The following ATF1 variants were observed in gnomAD, a reference collection of about 807,000 sequenced individuals.
The protein encoded by ATF1 is cyclic AMP-dependent transcription factor ATF-1.
ATF1 carries 16 observed loss-of-function variants against 34.7 expected under a neutral mutation model. The ratio of observed to expected loss-of-function variants is 0.46; its 90% confidence interval spans 0.31 to 0.70. The LOEUF is 0.70. Among genes scored for constraint, ATF1 ranks in the 30% least tolerant of loss-of-function variants. ATF1 has a pLI of 0.05. For synonymous variants in ATF1, 105 were observed against 113.1 expected (o/e 0.93, Z 0.46); for missense variants, 255 against 321.6 (o/e 0.79, Z 1.58).
At chr12:50,810,417 CA>C (rs1332377559) in intron 4 of ATF1, among the ~76,000 whole-genome samples, 1 of 151,336 alleles carries the variant, frequency 6.6e-6, no homozygotes, top group Non-Finnish European at 1.5e-5. Context: ...GGGGTTTCAC[CA>C]TGTTGGCCAG....
chr12:50,780,183 C>T lies in ATF1; in HGVS notation c.38C>T (p.Ala13Val). The T allele has an allele frequency of 6.2e-7, 1 of 1,613,888 alleles. No homozygotes were observed. The highest frequency in any genetic ancestry group is 8.5e-7 in the Non-Finnish European group (1 of 1,179,876). ...DSHKSTTSET[A>V]PQPGSAVQGA... Reference sequence around the variant, plus strand: ...CACAAGAGTACCACGTCAGAGACAGCACCTCAACCTGGTTCAGCAGTTCAG... The same window carrying T: ...CACAAGAGTACCACGTCAGAGACAGTACCTCAACCTGGTTCAGCAGTTCAG... The change falls in exon 2 of 7, where the codon GCA (alanine) becomes GTA (valine). Residue 13 changes from alanine (A) to valine (V), a missense_variant. Coordinates refer to ENST00000262053, the MANE Select transcript of ATF1 (RefSeq NM_005171.5).
rs1480613126 is a variant in ATF1 at position 50,819,777 on chromosome 12, T to G, written c.814T>G (p.Ter272GlyextTer19). The change falls in exon 7 of 7, where the codon TGA (stop) becomes GGA (glycine). Residue 272 changes from the stop codon to glycine (G), a stop_lost. Transcript: ENST00000262053. ...GGATCTTTATTCCAATAAAAGTGTT[T>G]GATTCCTAAGAAAGAAAATATTTTT... The part of the protein sequence containing the change: ...LKDLYSNKSV[*>G] 3 of 1,526,424 alleles carry G rather than the reference T, an allele frequency of 2.0e-6. No homozygotes were observed. Among genetic ancestry groups the G allele is most frequent in the Non-Finnish European group, 2.7e-6 (3 of 1,123,874 alleles). The allele number at this position is 1,526,424 out of a possible 1,614,324, so 94.6% of individuals were successfully genotyped here.
chr12:50,783,866 GAA>G (rs34062008), intron 2 of ATF1, among the ~76,000 whole-genome samples: 12,491 of 129,534 alleles, frequency 0.096, 766 homozygotes, highest in African/African-American at 0.19. Flanking sequence ...AACTCCGTCT[GAA>G]AAAAAAAAAA....
chr12:50,781,397 G>A (rs1941057381), intron 2 of ATF1, among the ~76,000 whole-genome samples: 2 of 152,104 alleles, frequency 1.3e-5, no homozygotes, highest in African/African-American at 2.4e-5. Context: ...GAAACTCATG[G>A]ATGCAGAACC....
At chr12:50,815,784 G>T (rs1213657692) in intron 6 of ATF1, among the ~76,000 whole-genome samples, 1 of 152,088 alleles carries the variant, frequency 6.6e-6, no homozygotes, top group Non-Finnish European at 1.5e-5. Flanking sequence ...CAAAGGAAAA[G>T]AAATCAATAT....
At chr12:50,804,231 G>GA (rs971419417) in intron 3 of ATF1, among the ~76,000 whole-genome samples, 2 of 151,864 alleles carry the variant, frequency 1.3e-5, no homozygotes, top group Non-Finnish European at 1.5e-5. Context: ...AAACACTAAT[G>GA]AAAAAAACTA....
Position 50,814,395 on chromosome 12 carries a change from A to G in ATF1, c.627A>G (p.Thr209=), listed in dbSNP as rs984375597. 2 of 1,614,224 alleles carry G rather than the reference A, an allele frequency of 1.2e-6. No individual in the cohort carries two copies. Among genetic ancestry groups the G allele is most frequent in the Middle Eastern group, 1.6e-4 (1 of 6,062 alleles). Residue 209 remains threonine, a synonymous_variant, in exon 6 of 7, where the codon ACA becomes ACG. Coordinates refer to ENST00000262053, the MANE Select transcript of ATF1 (RefSeq NM_005171.5). ...CTCTCACCTCTCAGACAACTAAGAC[A>G]GATGACCCCCAATTGAAAAGAGAAA... The part of the protein sequence containing the change: ...PVTLTSQTTK[T]DDPQLKREIR...
At chr12:50,782,457 G>A (rs1182322708) in intron 2 of ATF1, among the ~76,000 whole-genome samples, 7 of 150,602 alleles carry the variant, frequency 4.6e-5, no homozygotes, top group Admixed American at 6.6e-5. Context: ...GGGTTTCATC[G>A]TGTTAGCCAG....
At chr12:50,783,651 C>T (rs1941119831) in intron 2 of ATF1, among the ~76,000 whole-genome samples, 2 of 151,702 alleles carry the variant, frequency 1.3e-5, no homozygotes, top group Non-Finnish European at 2.9e-5. Flanking sequence ...GGGTAGATCA[C>T]GAGGGCAGGA....
At position 50,788,254 on chromosome 12, in the gene ATF1, C is replaced by T. The variant is rs917502223; in HGVS notation, c.94-7655C>T. Reference sequence around the variant, plus strand: ...CTGGTGTGCAGTAGTGTGAACATAGCTCACTGCAGCCTTGACCTCCTGTGC... The same window carrying T: ...CTGGTGTGCAGTAGTGTGAACATAGTTCACTGCAGCCTTGACCTCCTGTGC... On this transcript the variant is annotated intron_variant, in intron 2 of 6. Coordinates refer to ENST00000262053, the MANE Select transcript of ATF1 (RefSeq NM_005171.5). 6.4e-5 allele frequency: 29 copies of T among 452,796 alleles called. No individual in the cohort carries two copies. In the Admixed American group the frequency reaches 6.6e-4, roughly 10 times the overall value. The allele number at this position is 452,796 out of a possible 1,614,324, so 28.0% of individuals were successfully genotyped here. A position where few individuals can be genotyped will look rare whatever the true frequency, so the allele number is the denominator to read the frequency against.
chr12:50,794,741 G>A (rs1019933861), intron 2 of ATF1, among the ~76,000 whole-genome samples: 4 of 151,194 alleles, frequency 2.6e-5, no homozygotes, highest in Non-Finnish European at 5.9e-5. Flanking sequence ...GTAACATAAT[G>A]AGACCCTGTC....
chr12:50,792,218 ATAGT>A (rs1317692374), intron 2 of ATF1, among the ~76,000 whole-genome samples: 2 of 152,178 alleles, frequency 1.3e-5, no homozygotes, highest in African/African-American at 4.8e-5. Flanking sequence ...TCTATTTGTT[ATAGT>A]TAGTTTGTAC....
chr12:50,792,652 C>T (rs1941329175), intron 2 of ATF1, among the ~76,000 whole-genome samples: 1 of 151,978 alleles, frequency 6.6e-6, no homozygotes, highest in Non-Finnish European at 1.5e-5. Context: ...AGACTGCAGA[C>T]CAAATCAGGC....
intron 1 of ATF1, among the ~76,000 whole-genome samples, chr12:50,773,138 A>G (rs1281241718): frequency 6.6e-6 from 1 of 152,138 alleles, no homozygotes; most frequent in East Asian, 1.9e-4. Flanking sequence ...CATGATATAT[A>G]TGTACATGTT....
chr12:50,801,995 T>C (rs1279398732), intron 3 of ATF1, among the ~76,000 whole-genome samples: 4 of 152,192 alleles, frequency 2.6e-5, no homozygotes, highest in East Asian at 1.9e-4. Context: ...CAGTATCTTA[T>C]ATATACAAAA....
intron 1 of ATF1, among the ~76,000 whole-genome samples, chr12:50,770,819 A>G (rs1940751291): frequency 6.6e-6 from 1 of 152,148 alleles, no homozygotes; most frequent in African/African-American, 2.4e-5. Flanking sequence ...GTAATCTCTA[A>G]TTGTTGCTCA....
intron 1 of ATF1, among the ~76,000 whole-genome samples, chr12:50,773,031 G>C (rs1171425575): frequency 6.6e-6 from 1 of 152,164 alleles, no homozygotes; most frequent in Non-Finnish European, 1.5e-5. Context: ...TTGATGTTCT[G>C]TTCCTTTGTT....
In ATF1 at chr12:50,798,123, T is replaced by C. The variant is rs972683472; in HGVS notation, c.194+2114T>C. Reference sequence around the variant, plus strand: ...GAGATCGTGCCACTGCACTCCAGCCTGGGTGACAGAGTGAGACTCCATCTC... The same window carrying C: ...GAGATCGTGCCACTGCACTCCAGCCCGGGTGACAGAGTGAGACTCCATCTC... On this transcript the variant is annotated intron_variant, in intron 3 of 6. Transcript: ENST00000262053. Among the ~76,000 whole-genome samples the C allele has an allele frequency of 2.0e-5, 3 of 151,298 alleles. No homozygotes were observed. The East Asian group carries it at 6.0e-4, about 30-fold the overall frequency.
At chr12:50,785,280 TACATACACACACACAC>T (rs762751638) in intron 2 of ATF1, among the ~76,000 whole-genome samples, 7 of 86,158 alleles carry the variant, frequency 8.1e-5, no homozygotes, top group African/African-American at 2.2e-4. Flanking sequence ...ATTATATATA[TACATACACACACACAC>T]ACACACACAC....
Sources: gnomAD v4.1 joint callset for allele counts (sites outside exome capture counted in the v4.1 genomes callset) on GRCh38, gnomAD v4.1.1 for gene constraint, MANE v1.5 for transcripts, NCBI Gene and HGNC (gene_info 2026-07-23, HGNC 2026-07-21) for gene names.